The following DGKB variants were observed in gnomAD, a reference collection of about 807,000 sequenced individuals.
The protein encoded by DGKB is 90 kDa diacylglycerol kinase.
A neutral mutation model predicts 114.3 loss-of-function variants in DGKB; 67 were observed. The observed-to-expected ratio is 0.59, with a 90% CI of 0.48 to 0.72. The LOEUF (loss-of-function observed/expected upper bound fraction) is 0.72, where lower values mean the gene tolerates loss of function less well. DGKB is among the 30% of genes least tolerant of loss of function. The pLI, the probability that DGKB is intolerant of heterozygous loss-of-function variation, is 0.00. For synonymous variants in DGKB, 398 were observed against 323.1 expected (o/e 1.23, Z -2.49); for missense variants, 907 against 975.2 (o/e 0.93, Z 0.93).
chr7:14,799,518 T>C (rs1841856426), intron 2 of DGKB, among the ~76,000 whole-genome samples: 1 of 152,246 alleles, frequency 6.6e-6, no homozygotes, highest in Non-Finnish European at 1.5e-5. Context: ...AAGATCATTC[T>C]GTCTCAATGG....
chr7:14,709,885 G>T (rs1260057081), intron 6 of DGKB, among the ~76,000 whole-genome samples: 1 of 149,600 alleles, frequency 6.7e-6, no homozygotes, highest in Non-Finnish European at 1.5e-5. Flanking sequence ...GTTAGTGGGT[G>T]CAGCGCACCA....
chr7:14,968,459 T>G (rs1249532298), intron 1 of DGKB, among the ~76,000 whole-genome samples: 2 of 152,188 alleles, frequency 1.3e-5, no homozygotes, highest in Non-Finnish European at 2.9e-5. Flanking sequence ...GGGCTCTTTG[T>G]GAAAAACAAT....
intron 1 of DGKB, among the ~76,000 whole-genome samples, chr7:14,914,278 T>C (rs1784132437): frequency 6.6e-6 from 1 of 152,116 alleles, no homozygotes; most frequent in South Asian, 2.1e-4. Context: ...CTGAGGTCTC[T>C]GCCAAAGGAC....
At chr7:14,187,116 G>A (rs10240586) in intron 23 of DGKB, among the ~76,000 whole-genome samples, 60,361 of 152,046 alleles carry the variant, frequency 0.4, 13,692 homozygotes, top group African/African-American at 0.64. Context: ...CCAGCAAACA[G>A]TCCTACCAAT....
intron 21 of DGKB, among the ~76,000 whole-genome samples, chr7:14,395,223 C>A (rs1185694891): frequency 6.6e-6 from 1 of 151,960 alleles, no homozygotes; most frequent in Non-Finnish European, 1.5e-5. Flanking sequence ...AACATAAAGG[C>A]AAATCTTATA....
At chr7:14,191,688 G>T in intron 23 of DGKB, 1 of 324,688 alleles carries the variant, frequency 3.1e-6, no homozygotes, top group East Asian at 8.1e-5. Context: ...GGGGACAAAG[G>T]GGGCTTCAAT....
At chr7:14,439,276 T>C (rs929382711) in intron 21 of DGKB, among the ~76,000 whole-genome samples, 4 of 152,198 alleles carry the variant, frequency 2.6e-5, no homozygotes, top group Non-Finnish European at 5.9e-5. Context: ...AAGATACTTT[T>C]AAATCTTTGT....
chr7:14,374,290 G>T (rs1052741401), intron 21 of DGKB, among the ~76,000 whole-genome samples: 1 of 152,136 alleles, frequency 6.6e-6, no homozygotes, highest in African/African-American at 2.4e-5. Context: ...ACCCCACTGG[G>T]AGCGATGAAG....
intron 21 of DGKB, among the ~76,000 whole-genome samples, chr7:14,453,084 C>A (rs1831767111): frequency 1.3e-5 from 2 of 152,140 alleles, no homozygotes; most frequent in Non-Finnish European, 2.9e-5. Flanking sequence ...ACGCTCCAGG[C>A]ACTGTTCTTA....
chr7:14,310,375 T>C (rs1186072755), intron 23 of DGKB, among the ~76,000 whole-genome samples: 2 of 152,262 alleles, frequency 1.3e-5, no homozygotes, highest in Middle Eastern at 3.4e-3. Flanking sequence ...TGATATTTCA[T>C]TGACAGAAGA....
chr7:14,353,044 T>C (rs577102592), intron 21 of DGKB, among the ~76,000 whole-genome samples: 2 of 152,372 alleles, frequency 1.3e-5, no homozygotes, highest in South Asian at 2.1e-4. Flanking sequence ...ATTGCTGTTG[T>C]TACGGATCAT....
chr7:14,685,398 T>C (rs746086340), intron 9 of DGKB, 36 bp from the exon 10 acceptor site: 16 of 1,456,776 alleles, frequency 1.1e-5, no homozygotes, highest in Non-Finnish European at 1.5e-5. Context: ...TTTCACTTAA[T>C]GAAATAAACA....
chr7:14,440,050 G>A (rs1478363771), intron 21 of DGKB, among the ~76,000 whole-genome samples: 1 of 151,936 alleles, frequency 6.6e-6, no homozygotes. Context: ...AAGGGTCCAG[G>A]GAAGAAGAAG....
chr7:14,747,188 CTTTTTTTT>C (rs372925762), intron 4 of DGKB, among the ~76,000 whole-genome samples: 42 of 124,176 alleles, frequency 3.4e-4, no homozygotes, highest in African/African-American at 1.3e-3. Context: ...ACACAAACCT[CTTTTTTTT>C]TTTTTTTTTT....
intron 23 of DGKB, among the ~76,000 whole-genome samples, chr7:14,241,957 T>C (rs7801665): frequency 8.1e-4 from 120 of 148,264 alleles, no homozygotes; most frequent in Middle Eastern, 7.1e-3. Flanking sequence ...CACACACATA[T>C]ACACACACAC....
chr7:14,287,138 AC>A (rs1562843821), intron 23 of DGKB, among the ~76,000 whole-genome samples: 1 of 152,116 alleles, frequency 6.6e-6, no homozygotes, highest in Non-Finnish European at 1.5e-5. Flanking sequence ...AGATTTGTGA[AC>A]TTATTATTAC....
intron 14 of DGKB, among the ~76,000 whole-genome samples, chr7:14,628,954 TAAAAACA>T (rs1333683910): frequency 2.0e-5 from 3 of 151,944 alleles, no homozygotes; most frequent in Non-Finnish European, 4.4e-5. Flanking sequence ...AAAAAATATA[TAAAAACA>T]AAAATTTGGA....
At chr7:14,851,276 GA>G (rs1849314108) in intron 1 of DGKB, among the ~76,000 whole-genome samples, 1 of 152,140 alleles carries the variant, frequency 6.6e-6, no homozygotes, top group Admixed American at 6.5e-5. Context: ...TGATGCAAAA[GA>G]GGAAAATATA....
chr7:14,158,306 C>T, intron 25 of DGKB, among the ~76,000 whole-genome samples: 1 of 152,178 alleles, frequency 6.6e-6, no homozygotes, highest in East Asian at 1.9e-4. Context: ...CATATTATGG[C>T]CATCTGCCTT....
Sources: allele counts gnomAD v4.1 joint callset (sites outside exome capture counted in the v4.1 genomes callset), GRCh38; gene constraint gnomAD v4.1.1; transcripts MANE v1.5; gene names NCBI Gene and HGNC (gene_info 2026-07-23, HGNC 2026-07-21).